Variants in PDZD2 observed in about 807,000 individuals in gnomAD.
The protein encoded by PDZD2 is PDZ domain-containing protein 2.
A neutral mutation model predicts 220.7 loss-of-function variants in PDZD2; 90 were observed. The observed-to-expected ratio is 0.41, with a 90% CI of 0.34 to 0.49. The LOEUF is 0.49. Ranked by LOEUF, PDZD2 falls within the 20% of genes least tolerant of loss-of-function variation. The pLI is 0.28. For missense variants in PDZD2, 3,174 were observed against 3,608.5 expected, an observed-to-expected ratio of 0.88 and a Z score of 3.08; for synonymous variants, 1,375 against 1,450.5, an observed-to-expected ratio of 0.95 and a Z score of 1.18.
chr5:31,689,353 A>ATATATATATATATATATATATATATAT, intron 1 of PDZD2, among the ~76,000 whole-genome samples: 1 of 35,142 alleles, frequency 2.8e-5, no homozygotes, highest in African/African-American at 2.1e-4. Flanking sequence ...ATATATATAT[A>ATATATATATATATATATATATATATAT]TTTTTTTTTT....
chr5:32,006,612 A>G (rs903331605), intron 5 of PDZD2, among the ~76,000 whole-genome samples: 15 of 151,538 alleles, frequency 9.9e-5, no homozygotes, highest in Non-Finnish European at 1.5e-4. Context: ...CCTGCCCTCA[A>G]GCGATCTGCC....
chr5:32,028,771 CTCCCGGAT>C (rs1434961929), intron 6 of PDZD2, among the ~76,000 whole-genome samples: 1 of 151,548 alleles, frequency 6.6e-6, no homozygotes, highest in East Asian at 1.9e-4. Flanking sequence ...CAACCTCTGC[CTCCCGGAT>C]TCAAGGAATT....
At chr5:31,792,336 G>A (rs1414544975) in intron 1 of PDZD2, among the ~76,000 whole-genome samples, 2 of 152,182 alleles carry the variant, frequency 1.3e-5, no homozygotes, top group South Asian at 2.1e-4. Context: ...CAATGGGTCT[G>A]GGTTCTAGTT....
chr5:31,703,433 A>C (rs4867374), intron 1 of PDZD2, among the ~76,000 whole-genome samples: 34,334 of 151,888 alleles, frequency 0.23, 4,232 homozygotes, highest in East Asian at 0.34. Flanking sequence ...CAATGAGAAC[A>C]CATGGACACA....
rs575860034 is a variant in PDZD2, at chr5:31,726,652, G to A, written c.-360-72237G>A. Among the ~76,000 whole-genome samples, 10 of 152,334 alleles carry A rather than the reference G, an allele frequency of 6.6e-5. No individual in the cohort carries two copies. The East Asian group carries it at 1.5e-3, about 24-fold the overall frequency. On this transcript the variant is annotated intron_variant, in intron 1 of 24. Coordinates refer to ENST00000438447, the MANE Select transcript of PDZD2 (RefSeq NM_178140.4). The stretch of plus-strand genomic sequence containing the variant: ...GTTTTTGTACCCCTCAGCAGATCTG[G>A]GAGGATTGCAGGAGGACAGAGGGTG...
intron 2 of PDZD2, among the ~76,000 whole-genome samples, chr5:31,880,728 C>T (rs534967391): frequency 6.9e-6 from 1 of 145,636 alleles, no homozygotes; most frequent in East Asian, 2.1e-4. Flanking sequence ...GCAGCCAAGT[C>T]GGGTAAACAT....
chr5:31,993,741 A>G (rs1423004147), intron 3 of PDZD2, among the ~76,000 whole-genome samples: 1 of 152,054 alleles, frequency 6.6e-6, no homozygotes, highest in Non-Finnish European at 1.5e-5. Context: ...TTTGTTTCAT[A>G]TGTCTTGTGA....
rs770260793 is a variant in PDZD2, at chr5:32,101,256, C to CTCAG, written c.8353+22_8353+25dup. 1 of 1,566,440 alleles carries CTCAG rather than the reference C, an allele frequency of 6.4e-7. No individual in the cohort carries two copies. The highest frequency in any genetic ancestry group is 1.2e-5 in the South Asian group (1 of 84,304). Reference sequence around the variant, plus strand: ...TGTACAAAGGTAATGTTCTAGACAACTCAGTCAGCCTTCTCTCACCTGTCA... The same window carrying CTCAG: ...TGTACAAAGGTAATGTTCTAGACAACTCAGTCAGTCAGCCTTCTCTCACCTGTCA... On this transcript the variant is annotated intron_variant, in intron 24 of 24. Coordinates refer to ENST00000438447, the MANE Select transcript of PDZD2 (RefSeq NM_178140.4).
At chr5:31,893,878 C>CATTTATTT (rs66512107) in intron 2 of PDZD2, among the ~76,000 whole-genome samples, 12 of 148,216 alleles carry the variant, frequency 8.1e-5, no homozygotes, top group Non-Finnish European at 1.6e-4. Context: ...ATAATCAGCA[C>CATTTATTT]ATTTATTTAT....
At chr5:31,815,361 G>A (rs973961178) in intron 2 of PDZD2, among the ~76,000 whole-genome samples, 4 of 151,870 alleles carry the variant, frequency 2.6e-5, no homozygotes, top group African/African-American at 9.7e-5. Context: ...GGGAAAGGAA[G>A]GGGATCCTGT....
chr5:32,088,698 C>A lies in PDZD2; in HGVS notation c.5250C>A (p.Ser1750Arg), dbSNP rs1346545082. The part of the protein sequence containing the change: ...DDETLNQYET[S>R]INAAASLSSF... The stretch of plus-strand genomic sequence containing the variant: ...AAACCCTGAATCAATACGAAACAAG[C>A]ATTAATGCAGCTGCCAGTCTGTCCT... Residue 1750 changes from serine to arginine, a missense_variant, in exon 20 of 25, where the codon AGC becomes AGA. By Grantham distance (110) the Ser-to-Arg change is moderately radical. This residue lies in a region of PDZD2 where 1,861 missense variants were observed against 2,001.0 expected (regional missense o/e 0.93). Coordinates refer to ENST00000438447, the MANE Select transcript of PDZD2 (RefSeq NM_178140.4). This position sits in a 1 kb window ranked among gnomAD's most constrained non-coding sequence, Gnocchi z 4.6. The A allele has an allele frequency of 6.2e-7, 1 of 1,613,846 alleles. No homozygotes were observed. The highest frequency in any genetic ancestry group is 8.5e-7 in the Non-Finnish European group (1 of 1,179,886).
chr5:31,919,764 G>T (rs1376070263), intron 2 of PDZD2, among the ~76,000 whole-genome samples: 10 of 148,470 alleles, frequency 6.7e-5, no homozygotes, highest in Admixed American at 4.7e-4. Context: ...TGTAATCCGG[G>T]TTATCGGGGA....
intron 14 of PDZD2, among the ~76,000 whole-genome samples, chr5:32,066,562 G>T (rs986728847): frequency 6.6e-6 from 1 of 152,106 alleles, no homozygotes; most frequent in Non-Finnish European, 1.5e-5. Flanking sequence ...AGAATCTCCC[G>T]TTGGAGTCTA....
At chr5:31,695,119 G>T (rs1298831136) in intron 1 of PDZD2, among the ~76,000 whole-genome samples, 2 of 151,514 alleles carry the variant, frequency 1.3e-5, no homozygotes, top group Non-Finnish European at 2.9e-5. Flanking sequence ...GCGAGACTCC[G>T]TCTCCAAATT....
At chr5:31,967,727 T>A (rs1447113685) in intron 2 of PDZD2, among the ~76,000 whole-genome samples, 1 of 152,158 alleles carries the variant, frequency 6.6e-6, no homozygotes, top group Non-Finnish European at 1.5e-5. Flanking sequence ...GGCTGAAGAC[T>A]TGGGGAGGAG....
At position 31,639,234 on chromosome 5, in the gene PDZD2, G is replaced by A. The variant is rs1166052756; in HGVS notation, c.-564G>A. On this transcript the variant is annotated 5_prime_UTR_variant, in exon 1 of 25. Transcript: ENST00000438447. The surrounding 1 kb of genome is among the most constrained non-coding windows in gnomAD (Gnocchi z 4.1). Reference sequence around the variant, plus strand: ...CGCGGCGGGGCGGCGGCTGCAGGCAGCCGAGGAGCCGCAGGCCGAACCCAA... The same window carrying A: ...CGCGGCGGGGCGGCGGCTGCAGGCAACCGAGGAGCCGCAGGCCGAACCCAA... 6.6e-6 allele frequency among the ~76,000 whole-genome samples: 1 copy of A among 151,414 alleles called. No homozygotes were observed. The highest frequency in any genetic ancestry group is 1.5e-5 in the Non-Finnish European group (1 of 67,770).
intron 2 of PDZD2, among the ~76,000 whole-genome samples, chr5:31,857,342 T>C (rs1160764887): frequency 3.3e-5 from 5 of 152,204 alleles, no homozygotes; most frequent in Non-Finnish European, 1.5e-5. Flanking sequence ...AGAATTTATT[T>C]TGCTGATTTC....
intron 1 of PDZD2, among the ~76,000 whole-genome samples, chr5:31,719,951 A>G (rs1429581321): frequency 2.6e-5 from 4 of 152,258 alleles, no homozygotes; most frequent in Admixed American, 6.5e-5. Context: ...AAGCAGCTCC[A>G]GCAGAGGCAG....
rs564444888 is a variant in PDZD2 at position 31,929,991 on chromosome 5, AGGTCT to A, written c.477-53161_477-53157del. On this transcript the variant is annotated intron_variant, in intron 2 of 24. Coordinates refer to ENST00000438447, the MANE Select transcript of PDZD2 (RefSeq NM_178140.4). The stretch of plus-strand genomic sequence containing the variant: ...GTTAATGCGAGGTCAGGTTGTGCAA[AGGTCT>A]GGGACCTCTCCCCTCTAGCTCTCCT... Among the ~76,000 whole-genome samples the A allele has an allele frequency of 3.9e-3, 594 of 152,098 alleles. 2 individuals carry two copies. Among genetic ancestry groups the A allele is most frequent in the African/African-American group, 0.014 (573 of 41,476 alleles).
Sources: allele counts gnomAD v4.1 joint callset (sites outside exome capture counted in the v4.1 genomes callset), GRCh38; gene constraint gnomAD v4.1.1; regional missense constraint gnomAD v4.1.1; non-coding constraint Gnocchi (gnomAD v3.1); transcripts MANE v1.5; gene names NCBI Gene and HGNC (gene_info 2026-07-23, HGNC 2026-07-21).